CECR2: variants seen among roughly 807,000 people sequenced by gnomAD.
The protein encoded by CECR2 is chromatin remodeling regulator CECR2.
Under a neutral mutation model 154.5 loss-of-function variants are expected in CECR2, and 30 were observed. The ratio of observed to expected loss-of-function variants is 0.19; its 90% CI spans 0.15 to 0.26. The LOEUF (loss-of-function observed/expected upper bound fraction) is 0.26. CECR2 is among the 10% of genes least tolerant of loss of function. The pLI is 1.00. For synonymous variants in CECR2, 725 were observed against 683.7 expected (o/e 1.06, Z -0.94); for missense variants, 1,743 against 1,829.3 (o/e 0.95, Z 0.86).
At chr22:17,488,133 T>A (rs902260410) in intron 2 of CECR2, among the ~76,000 whole-genome samples, 33 of 152,298 alleles carry the variant, frequency 2.2e-4, no homozygotes, top group African/African-American at 7.5e-4. Flanking sequence ...CTGCCCCCCC[T>A]TGGCCTCCCA....
At chr22:17,419,444 G>T in intron 1 of CECR2, 1 of 194,552 alleles carries the variant, frequency 5.1e-6, no homozygotes, top group Non-Finnish European at 1.1e-5. Flanking sequence ...TTAACAATGT[G>T]TGATGAGGAT....
intron 1 of CECR2, among the ~76,000 whole-genome samples, chr22:17,362,662 G>A (rs2062982751): frequency 6.6e-6 from 1 of 151,902 alleles, no homozygotes; most frequent in South Asian, 2.1e-4. Context: ...CCAGTACTTT[G>A]GGAGGCCAAC....
At chr22:17,485,614 T>C (rs2055407279) in intron 2 of CECR2, among the ~76,000 whole-genome samples, 1 of 151,864 alleles carries the variant, frequency 6.6e-6, no homozygotes, top group Non-Finnish European at 1.5e-5. Flanking sequence ...ACAAAAAGTA[T>C]TATACAAAAA....
chr22:17,496,135 A>G (rs557168432), intron 2 of CECR2, among the ~76,000 whole-genome samples: 7 of 152,214 alleles, frequency 4.6e-5, no homozygotes, highest in Admixed American at 3.9e-4. Flanking sequence ...ATATACAGAC[A>G]TGGGAGGATT....
At chr22:17,433,976 G>A (rs1174157747) in intron 1 of CECR2, among the ~76,000 whole-genome samples, 3 of 152,282 alleles carry the variant, frequency 2.0e-5, no homozygotes, top group Admixed American at 6.5e-5. Flanking sequence ...ATGAAAAATA[G>A]GTTAAGAAAT....
At chr22:17,423,099 A>G (rs2054281037) in intron 1 of CECR2, among the ~76,000 whole-genome samples, 1 of 152,122 alleles carries the variant, frequency 6.6e-6, no homozygotes, top group Non-Finnish European at 1.5e-5. Flanking sequence ...GTAGTTGGAC[A>G]GGATATACTG....
chr22:17,366,989 G>A (rs988075648), upstream of CECR2, among the ~76,000 whole-genome samples: 5 of 152,184 alleles, frequency 3.3e-5, no homozygotes, highest in African/African-American at 9.7e-5. Context: ...TAAAGTTGGT[G>A]TGCTGGGCCA....
chr22:17,377,728 TC>T lies in CECR2; in HGVS notation c.126+7822del, dbSNP rs753943308. ...TATTTGCATATTTCATGGGATGCTA[TC>T]CCTTGGATGCTTTTATTATATCTTT... On this transcript the variant is annotated intron_variant, in intron 1 of 18. Transcript: ENST00000262608. Among the ~76,000 whole-genome samples the T allele has an allele frequency of 1.2e-4, 18 of 152,354 alleles. No homozygotes were observed. The East Asian group carries it at 2.9e-3, about 24-fold the overall frequency.
Position 17,556,511 on chromosome 22 carries a change from C to G in CECR2, c.*3671C>G, listed in dbSNP as rs551871390. 1.3e-5 allele frequency: 2 copies of G among 152,224 alleles called. No homozygotes were observed. Among genetic ancestry groups the G allele is most frequent in the Admixed American group, 6.5e-5 (1 of 15,282 alleles). 9.4% of individuals were successfully genotyped at this position (152,224 alleles called of 1,614,324 possible). ...CCAGGCCCACAAAATCCCAGTGTTGCAGTCACCACAGCTGTCAGAAACAAG... is the reference window on the plus strand; with the variant it reads ...CCAGGCCCACAAAATCCCAGTGTTGGAGTCACCACAGCTGTCAGAAACAAG... On this transcript the variant is annotated 3_prime_UTR_variant, in exon 19 of 19. Transcript: ENST00000262608.
Position 17,556,701 on chromosome 22 carries a change from A to G in CECR2, c.*3861A>G, listed in dbSNP as rs191523563. The G allele has an allele frequency of 3.9e-5, 6 of 152,356 alleles. No individual in the cohort carries two copies. Among genetic ancestry groups the G allele is most frequent in the Admixed American group, 2.6e-4 (4 of 15,298 alleles). 9.4% of individuals were successfully genotyped at this position (152,356 alleles called of 1,614,324 possible). A position where few individuals can be genotyped will look rare whatever the true frequency, so the allele number is the denominator to read the frequency against. On this transcript the variant is annotated 3_prime_UTR_variant, in exon 19 of 19. Transcript: ENST00000262608. The stretch of plus-strand genomic sequence containing the variant: ...AGTGTAAGAACCCCAACCTGCTTGC[A>G]GAGAACCTTGGTTTTCATAGAAAGG...
chr22:17,444,406 C>G (rs937451176), intron 1 of CECR2, among the ~76,000 whole-genome samples: 1 of 152,116 alleles, frequency 6.6e-6, no homozygotes, highest in African/African-American at 2.4e-5. Context: ...ACGGGCAGAT[C>G]AGTTAAGGTC....
In CECR2 at chr22:17,460,585, G is replaced by C. The variant is rs145621504; in HGVS notation, c.127-17003G>C. ...TACTCCCCAGTGACCCAGGTGTCTTGATTCTGGGGCTTCAGTTTCTTGCCC... is the reference window on the plus strand; with the variant it reads ...TACTCCCCAGTGACCCAGGTGTCTTCATTCTGGGGCTTCAGTTTCTTGCCC... On this transcript the variant is annotated intron_variant, in intron 1 of 18. Transcript: ENST00000262608. 6.6e-5 allele frequency among the ~76,000 whole-genome samples: 10 copies of C among 152,306 alleles called. No individual in the cohort carries two copies. The East Asian group carries it at 1.5e-3, about 24-fold the overall frequency.
At chr22:17,531,643 G>C (rs2056356931) in intron 9 of CECR2, among the ~76,000 whole-genome samples, 1 of 152,194 alleles carries the variant, frequency 6.6e-6, no homozygotes, top group Admixed American at 6.6e-5. Flanking sequence ...AAGGCCAAGA[G>C]AATGTTCAGA....
chr22:17,392,504 TAAAAC>T lies in CECR2; in HGVS notation c.126+22601_126+22605del, dbSNP rs762555515. ...CCGTCTCAAAAATAGAATAATAAAA[TAAAAC>T]AAAACCAGGCATGGTGTTGCATACC... On this transcript the variant is annotated intron_variant, in intron 1 of 18. Transcript: ENST00000262608. Among the ~76,000 whole-genome samples, 10 of 151,336 alleles carry T rather than the reference TAAAAC, an allele frequency of 6.6e-5. No homozygotes were observed. In the East Asian group the frequency reaches 1.6e-3, roughly 24 times the overall value.
At chr22:17,435,728 A>G (rs1037380753) in intron 1 of CECR2, among the ~76,000 whole-genome samples, 10 of 149,558 alleles carry the variant, frequency 6.7e-5, no homozygotes, top group South Asian at 2.1e-4. Context: ...AGGACCATCC[A>G]ACTTAATCCA....
chr22:17,420,821 A>G (rs2054234548), intron 1 of CECR2, among the ~76,000 whole-genome samples: 2 of 152,190 alleles, frequency 1.3e-5, no homozygotes, highest in Non-Finnish European at 2.9e-5. Context: ...ATTATCTTAA[A>G]TAAACTCTTA....
At chr22:17,381,897 GT>G (rs11410732) in intron 1 of CECR2, among the ~76,000 whole-genome samples, 5 of 139,762 alleles carry the variant, frequency 3.6e-5, no homozygotes, top group African/African-American at 1.1e-4. Context: ...TTTTTTTTTT[GT>G]TTTTTTTGAG....
At chr22:17,395,601 C>G (rs115458379) in intron 1 of CECR2, among the ~76,000 whole-genome samples, 2 of 152,292 alleles carry the variant, frequency 1.3e-5, no homozygotes, top group African/African-American at 4.8e-5. Flanking sequence ...CGCCTCAGCC[C>G]TCCCAAAGTG....
chr22:17,485,336 GAA>G (rs2055401262), intron 2 of CECR2, among the ~76,000 whole-genome samples: 1 of 152,214 alleles, frequency 6.6e-6, no homozygotes, highest in African/African-American at 2.4e-5. Flanking sequence ...AAGTACAGGA[GAA>G]AAGTGTTAAG....
Sources: allele counts gnomAD v4.1 joint callset (sites outside exome capture counted in the v4.1 genomes callset), GRCh38; gene constraint gnomAD v4.1.1; transcripts MANE v1.5; gene names NCBI Gene and HGNC (gene_info 2026-07-23, HGNC 2026-07-21).